The following ADGRG6 variants were observed in gnomAD, a reference collection of about 807,000 sequenced individuals.
The protein encoded by ADGRG6 is adhesion G protein-coupled receptor G6.
Under a neutral mutation model 142.4 loss-of-function variants are expected in ADGRG6, and 84 were observed. The observed-to-expected ratio is 0.59, with a 90% CI of 0.49 to 0.71. The LOEUF is 0.71. Among genes scored for constraint, ADGRG6 ranks in the 30% least tolerant of loss-of-function variants. The pLI, the probability that ADGRG6 is intolerant of heterozygous loss-of-function variation, is 0.00. For synonymous variants in ADGRG6, 521 were observed against 520.5 expected (o/e 1.00, Z -0.01); for missense variants, 1,367 against 1,466.6 (o/e 0.93, Z 1.11).
At chr6:142,388,728 T>A (rs2114961685) in intron 6 of ADGRG6, among the ~76,000 whole-genome samples, 1 of 152,230 alleles carries the variant, frequency 6.6e-6, no homozygotes, top group South Asian at 2.1e-4. Context: ...AATGGTCATA[T>A]GGGTACTAGA....
intron 2 of ADGRG6, among the ~76,000 whole-genome samples, chr6:142,320,617 C>A (rs1778466275): frequency 6.6e-6 from 1 of 152,022 alleles, no homozygotes; most frequent in South Asian, 2.1e-4. Context: ...GTGAAAACTG[C>A]GTGCCTGAAC....
intron 14 of ADGRG6, 84 bp downstream of exon 14, chr6:142,404,057 A>G (rs1244162400): frequency 2.0e-6 from 2 of 1,011,458 alleles, no homozygotes; most frequent in Non-Finnish European, 3.1e-6. Flanking sequence ...TGCTGCTTCC[A>G]AGAGGTCTTG....
chr6:142,362,650 A>G (rs1780778116), intron 2 of ADGRG6, among the ~76,000 whole-genome samples: 1 of 152,226 alleles, frequency 6.6e-6, no homozygotes. Context: ...AGTGGTCTGA[A>G]ATCACTTAAA....
chr6:142,306,079 A>T (rs1456601891), intron 1 of ADGRG6, among the ~76,000 whole-genome samples: 2 of 152,190 alleles, frequency 1.3e-5, no homozygotes, highest in African/African-American at 4.8e-5. Context: ...CCATAGAAAC[A>T]GAGTTGGGAT....
chr6:142,331,948 C>T (rs749446017), intron 2 of ADGRG6, among the ~76,000 whole-genome samples: 28 of 151,980 alleles, frequency 1.8e-4, no homozygotes, highest in Non-Finnish European at 3.2e-4. Flanking sequence ...TTTATTAATT[C>T]GGTACCATAT....
At chr6:142,339,560 G>A (rs945270758) in intron 2 of ADGRG6, among the ~76,000 whole-genome samples, 1 of 152,078 alleles carries the variant, frequency 6.6e-6, no homozygotes, top group Non-Finnish European at 1.5e-5. Context: ...GACATTGTAT[G>A]TTGTTACTAA....
chr6:142,405,851 T>C (rs548880378), intron 15 of ADGRG6, 23 bp downstream of exon 15: 7 of 1,531,964 alleles, frequency 4.6e-6, no homozygotes, highest in African/African-American at 4.2e-5. Context: ...ATTAAATTAT[T>C]GTTTTTCAAC....
Position 142,414,968 on chromosome 6 carries a change from G to A in ADGRG6, c.2542-1G>A. 1 of 1,608,574 alleles carries A rather than the reference G, an allele frequency of 6.2e-7. No homozygotes were observed. The highest frequency in any genetic ancestry group is 8.5e-7 in the Non-Finnish European group (1 of 1,177,370). On this transcript the variant is annotated splice_acceptor_variant, in intron 18 of 24. Coordinates refer to ENST00000367609, the MANE Select transcript of ADGRG6 (RefSeq NM_198569.3). LOFTEE classifies it high-confidence loss of function. ...ACAGCTGCTCGCCATGTTTTATGTA[G>A]GACCTTCCAAGAAGTGCCTCACAGT... is the stretch of plus-strand genomic sequence containing the variant.
intron 1 of ADGRG6, among the ~76,000 whole-genome samples, chr6:142,308,306 G>A (rs1777601451): frequency 6.6e-6 from 1 of 151,866 alleles, no homozygotes; most frequent in African/African-American, 2.4e-5. Flanking sequence ...ATTTCCCAAG[G>A]TTTGCAGCAT....
Position 142,417,255 on chromosome 6 carries a change from A to G in ADGRG6, c.2939-18A>G, listed in dbSNP as rs371069836. 3.7e-6 allele frequency: 5 copies of G among 1,336,940 alleles called. No homozygotes were observed. The highest frequency in any genetic ancestry group is 5.4e-6 in the Non-Finnish European group (5 of 931,104). 82.8% of individuals were successfully genotyped at this position (1,336,940 alleles called of 1,614,324 possible). On this transcript the variant is annotated intron_variant, in intron 20 of 24. Coordinates refer to ENST00000367609, the MANE Select transcript of ADGRG6 (RefSeq NM_198569.3). ...CAGATGCTTCAAAAGAGTTTGTGTC[A>G]TGGTGTTTTTGTAACAGGTTTGCCT...
chr6:142,395,877 A>G (rs934235562), intron 9 of ADGRG6, among the ~76,000 whole-genome samples: 1 of 152,138 alleles, frequency 6.6e-6, no homozygotes, highest in Non-Finnish European at 1.5e-5. Flanking sequence ...CTTAACACAG[A>G]CCATAGCTTC....
chr6:142,384,149 A>G (rs1415633002), intron 6 of ADGRG6, among the ~76,000 whole-genome samples: 4 of 152,102 alleles, frequency 2.6e-5, no homozygotes, highest in African/African-American at 9.6e-5. Context: ...CATAATAGAG[A>G]TCAGAGAAAA....
At chr6:142,411,463 A>G (rs892223686) in intron 18 of ADGRG6, 52 bp downstream of exon 18, 5 of 880,430 alleles carry the variant, frequency 5.7e-6, no homozygotes, top group Admixed American at 5.1e-5. Context: ...TTTGGATGGC[A>G]TACTCCTTTT....
At chr6:142,331,331 A>G (rs891960475) in intron 2 of ADGRG6, among the ~76,000 whole-genome samples, 5 of 152,020 alleles carry the variant, frequency 3.3e-5, no homozygotes, top group African/African-American at 1.2e-4. Flanking sequence ...AGCCACAGTG[A>G]AAAGAGCTGT....
intron 22 of ADGRG6, among the ~76,000 whole-genome samples, chr6:142,425,003 A>G (rs1244311338): frequency 6.6e-6 from 1 of 152,184 alleles, no homozygotes; most frequent in Non-Finnish European, 1.5e-5. Context: ...AAAATTTGCT[A>G]TAGTTGATGA....
intron 2 of ADGRG6, among the ~76,000 whole-genome samples, chr6:142,320,416 G>GA (rs895247153): frequency 7.2e-4 from 109 of 152,152 alleles, no homozygotes; most frequent in African/African-American, 2.4e-3. Context: ...TAATGGGAGT[G>GA]AAAATAATTG....
chr6:142,353,890 T>C (rs1453349912), intron 2 of ADGRG6, among the ~76,000 whole-genome samples: 2 of 152,182 alleles, frequency 1.3e-5, no homozygotes, highest in Non-Finnish European at 2.9e-5. Flanking sequence ...CCAAATCTAA[T>C]TGTTGAATAA....
intron 4 of ADGRG6, among the ~76,000 whole-genome samples, chr6:142,377,453 C>T (rs1221669924): frequency 6.6e-6 from 1 of 152,192 alleles, no homozygotes; most frequent in East Asian, 1.9e-4. Flanking sequence ...AAGGCCTGGG[C>T]AGGTTTCCTC....
chr6:142,377,430 G>C (rs1190271633), intron 4 of ADGRG6, among the ~76,000 whole-genome samples: 1 of 152,168 alleles, frequency 6.6e-6, no homozygotes, highest in African/African-American at 2.4e-5. Flanking sequence ...GTCCTCTATG[G>C]GCAGGCTCAG....
Sources: gnomAD v4.1 joint callset for allele counts (sites outside exome capture counted in the v4.1 genomes callset) on GRCh38, gnomAD v4.1.1 for gene constraint, MANE v1.5 for transcripts, NCBI Gene and HGNC (gene_info 2026-07-23, HGNC 2026-07-21) for gene names.